RUNX1: variants seen among roughly 807,000 people sequenced by gnomAD.
The protein encoded by RUNX1 is runt-related transcription factor 1.
Under a neutral mutation model 42.8 loss-of-function variants are expected in RUNX1, and 19 were observed. The ratio of observed to expected loss-of-function variants is 0.44; its 90% confidence interval spans 0.31 to 0.65. The LOEUF is 0.65. Ranked by LOEUF, RUNX1 falls within the 30% of genes least tolerant of loss-of-function variation. The pLI is 0.07. For missense variants in RUNX1, 528 were observed against 672.0 expected (o/e 0.79, Z 2.37); for synonymous variants, 271 against 289.4 (o/e 0.94, Z 0.64).
intron 2 of RUNX1, among the ~76,000 whole-genome samples, chr21:35,012,236 G>A (rs552540561): frequency 9.9e-5 from 15 of 152,282 alleles, no homozygotes; most frequent in African/African-American, 2.6e-4. Context: ...TTAGTTGTCC[G>A]TGATGAAATT....
intron 8 of RUNX1, among the ~76,000 whole-genome samples, chr21:34,794,535 T>C (rs1459827726): frequency 6.6e-6 from 1 of 152,226 alleles, no homozygotes; most frequent in East Asian, 1.9e-4. Context: ...TTACCAGAAA[T>C]TGTAAAGCTT....
At chr21:34,847,092 A>G (rs2057328394) in intron 6 of RUNX1, among the ~76,000 whole-genome samples, 2 of 152,238 alleles carry the variant, frequency 1.3e-5, no homozygotes, top group South Asian at 2.1e-4. Context: ...CCTCTTCCCA[A>G]GCCTTCTGGT....
intron 6 of RUNX1, among the ~76,000 whole-genome samples, chr21:34,857,250 G>C (rs1218765560): frequency 6.6e-6 from 1 of 152,192 alleles, no homozygotes; most frequent in Non-Finnish European, 1.5e-5. Context: ...TGTCTGCTCA[G>C]AGGGTGCTTC....
At chr21:34,971,028 AGTTT>A (rs2058760303) in intron 2 of RUNX1, among the ~76,000 whole-genome samples, 1 of 152,176 alleles carries the variant, frequency 6.6e-6, no homozygotes, top group East Asian at 1.9e-4. Context: ...GTTGGTATAT[AGTTT>A]ATGTAGGTAT....
chr21:34,987,795 G>GA (rs2058903321), intron 2 of RUNX1, among the ~76,000 whole-genome samples: 1 of 152,188 alleles, frequency 6.6e-6, no homozygotes, highest in African/African-American at 2.4e-5. Context: ...TCAGAAAAGA[G>GA]AAAATGAAAG....
chr21:34,889,762 C>A (rs1182775431), intron 3 of RUNX1: 1 of 1,153,810 alleles, frequency 8.7e-7, no homozygotes, highest in Non-Finnish European at 1.1e-6. Context: ...GAGGGCCCCG[C>A]CCCCGGTCCG....
intron 2 of RUNX1, among the ~76,000 whole-genome samples, chr21:34,905,292 T>C (rs1179543436): frequency 6.6e-6 from 1 of 152,250 alleles, no homozygotes; most frequent in Non-Finnish European, 1.5e-5. Context: ...CTTTTCTTTT[T>C]GCCTCAGGCA....
At chr21:35,034,087 C>G (rs2146980270) in intron 2 of RUNX1, among the ~76,000 whole-genome samples, 1 of 152,324 alleles carries the variant, frequency 6.6e-6, no homozygotes, top group Admixed American at 6.5e-5. Flanking sequence ...GCTTATTCGT[C>G]AGGCACCCAG....
At chr21:34,908,685 C>T (rs2058246132) in intron 2 of RUNX1, among the ~76,000 whole-genome samples, 1 of 152,106 alleles carries the variant, frequency 6.6e-6, no homozygotes, top group Non-Finnish European at 1.5e-5. Flanking sequence ...AGTTTCACAC[C>T]CTGCTGCCCA....
intron 2 of RUNX1, among the ~76,000 whole-genome samples, chr21:34,959,028 C>T (rs1412875506): frequency 6.7e-6 from 1 of 149,764 alleles, no homozygotes; most frequent in African/African-American, 2.5e-5. Context: ...GGAAGGGGAA[C>T]ATCACACTCT....
intron 2 of RUNX1, among the ~76,000 whole-genome samples, chr21:34,966,654 G>T (rs1419449857): frequency 6.6e-6 from 1 of 152,138 alleles, no homozygotes; most frequent in African/African-American, 2.4e-5. Context: ...TTTCCCCAAG[G>T]ATCAGATAAT....
chr21:34,823,898 C>T (rs961411585), intron 7 of RUNX1, among the ~76,000 whole-genome samples: 20 of 152,148 alleles, frequency 1.3e-4, no homozygotes, highest in African/African-American at 4.3e-4. Context: ...ACAAGAATCC[C>T]CTTCCAAAAA....
chr21:35,048,111 G>A (rs779331547), intron 2 of RUNX1, among the ~76,000 whole-genome samples: 6 of 152,142 alleles, frequency 3.9e-5, no homozygotes, highest in South Asian at 4.1e-4. Context: ...TGCTTAACTC[G>A]GGAAACTTCT....
At chr21:34,982,485 C>T (rs911353344) in intron 2 of RUNX1, among the ~76,000 whole-genome samples, 6 of 148,438 alleles carry the variant, frequency 4.0e-5, no homozygotes, top group African/African-American at 1.3e-4. Flanking sequence ...CATCCACTCT[C>T]CTCTTAGCAT....
intron 2 of RUNX1, among the ~76,000 whole-genome samples, chr21:34,982,213 TTA>T (rs1216953509): frequency 2.0e-5 from 3 of 152,222 alleles, no homozygotes; most frequent in African/African-American, 7.2e-5. Flanking sequence ...TACCAAGGAT[TTA>T]GTCTTTTGTG....
At chr21:34,881,264 T>C (rs1346879570) in intron 4 of RUNX1, among the ~76,000 whole-genome samples, 1 of 152,152 alleles carries the variant, frequency 6.6e-6, no homozygotes, top group Non-Finnish European at 1.5e-5. Flanking sequence ...GACTTTACTT[T>C]TAGAAAATAA....
In RUNX1 at chr21:34,821,750, T is replaced by C. The variant is rs895145624; in HGVS notation, c.805+12660A>G. The C allele has an allele frequency of 3.1e-5, 46 of 1,498,368 alleles. 2 individuals are homozygous for C. Among genetic ancestry groups the C allele is most frequent in the East Asian group, 2.7e-4 (11 of 40,234 alleles). The allele number at this position is 1,498,368 out of a possible 1,614,324, so 92.8% of individuals were successfully genotyped here. A position where few individuals can be genotyped will look rare whatever the true frequency, so the allele number is the denominator to read the frequency against. On this transcript the variant is annotated intron_variant, in intron 7 of 8. Transcript: ENST00000675419. Reference sequence around the variant, plus strand: ...AAGTTCGAAAATAAGGACAATTCTTTATAGAGCCGCGAATGCATTCCCCTC... The same window carrying C: ...AAGTTCGAAAATAAGGACAATTCTTCATAGAGCCGCGAATGCATTCCCCTC...
intron 3 of RUNX1, among the ~76,000 whole-genome samples, chr21:34,890,281 G>T (rs1250854715): frequency 6.6e-6 from 1 of 152,166 alleles, no homozygotes; most frequent in African/African-American, 2.4e-5. Flanking sequence ...GACGGCGCGG[G>T]GCTGTGCGGC....
At chr21:34,890,624 C>G (rs1337085821) in intron 3 of RUNX1, among the ~76,000 whole-genome samples, 1 of 152,196 alleles carries the variant, frequency 6.6e-6, no homozygotes. Flanking sequence ...CTGCCAGCAC[C>G]CGAGTTCAGT....
Sources: allele counts gnomAD v4.1 joint callset (sites outside exome capture counted in the v4.1 genomes callset), GRCh38; gene constraint gnomAD v4.1.1; transcripts MANE v1.5; gene names NCBI Gene and HGNC (gene_info 2026-07-23, HGNC 2026-07-21).